GALNT9: variants seen among roughly 807,000 people sequenced by gnomAD.
The protein encoded by GALNT9 is polypeptide N-acetylgalactosaminyltransferase 9.
Under a neutral mutation model 63.1 loss-of-function variants are expected in GALNT9, and 47 were observed. That is an observed-to-expected ratio of 0.75 (90% CI 0.59 to 0.95). The LOEUF (loss-of-function observed/expected upper bound fraction) is 0.95, where lower values mean the gene tolerates loss of function less well. GALNT9 is among the 40% of genes least tolerant of loss of function. GALNT9 has a pLI of 0.00. For missense variants in GALNT9, 829 were observed against 874.8 expected (o/e 0.95, Z 0.66); for synonymous variants, 396 against 365.7 (o/e 1.08, Z -0.94).
At chr12:132,258,343 C>T (rs557505219) in intron 4 of GALNT9, among the ~76,000 whole-genome samples, 1 of 152,332 alleles carries the variant, frequency 6.6e-6, no homozygotes, top group South Asian at 2.1e-4. Flanking sequence ...GCCCTGTTCC[C>T]ACAAATTGGA....
chr12:132,293,346 G>A (rs1285045808), intron 1 of GALNT9, among the ~76,000 whole-genome samples: 1 of 152,260 alleles, frequency 6.6e-6, no homozygotes, highest in Non-Finnish European at 1.5e-5. Flanking sequence ...GCTCCGGGGA[G>A]CCTCTGGCCA....
At chr12:132,257,411 G>T (rs145816931) in intron 5 of GALNT9, among the ~76,000 whole-genome samples, 71 of 151,890 alleles carry the variant, frequency 4.7e-4, no homozygotes, top group Non-Finnish European at 8.2e-4. Flanking sequence ...ACCAGGTTGT[G>T]CTTGCTGGGG....
At chr12:132,272,065 C>T (rs1879887366) in intron 2 of GALNT9, among the ~76,000 whole-genome samples, 1 of 152,168 alleles carries the variant, frequency 6.6e-6, no homozygotes, top group Non-Finnish European at 1.5e-5. Context: ...GAGGAGAATG[C>T]CGTCACGCCC....
At chr12:132,255,859 C>T (rs1445947331) in intron 5 of GALNT9, among the ~76,000 whole-genome samples, 4 of 152,132 alleles carry the variant, frequency 2.6e-5, no homozygotes, top group Non-Finnish European at 2.9e-5. Flanking sequence ...CCTTTGCGAT[C>T]TTCACGCTGG....
chr12:132,222,864 G>A (rs1160616492), intron 6 of GALNT9, among the ~76,000 whole-genome samples: 1,300 of 89,770 alleles, frequency 0.014, 28 homozygotes, highest in African/African-American at 0.048. Flanking sequence ...ACACAGACAC[G>A]CCACACAACA....
chr12:132,270,510 G>A (rs1251628526), intron 2 of GALNT9, among the ~76,000 whole-genome samples: 3 of 152,242 alleles, frequency 2.0e-5, no homozygotes, highest in Non-Finnish European at 2.9e-5. Flanking sequence ...GGCTTCACGC[G>A]TTAGCTCTTG....
intron 1 of GALNT9, among the ~76,000 whole-genome samples, chr12:132,321,255 GAGGCCCCTGTGGGTCCAGAATCA>G (rs1868783061): frequency 8.4e-6 from 1 of 118,752 alleles, no homozygotes; most frequent in Non-Finnish European, 1.8e-5. Flanking sequence ...GTCCGGAGTC[GAGGCCCCTGTGGGTCCAGAATCA>G]AGGCCATGGT....
At chr12:132,263,113 T>TGCTGGGCACAGCCGAGGA (rs1275670239) in intron 2 of GALNT9, among the ~76,000 whole-genome samples, 1 of 152,016 alleles carries the variant, frequency 6.6e-6, no homozygotes, top group African/African-American at 2.4e-5. Context: ...GGGACGGCGC[T>TGCTGGGCACAGCCGAGGA]GCTGGGCACA....
Position 132,199,413 on chromosome 12 carries a change from G to C in GALNT9, c.1402-144C>G, listed in dbSNP as rs940537776. On this transcript the variant is annotated intron_variant, in intron 8 of 10. Coordinates refer to ENST00000328957, the MANE Select transcript of GALNT9 (RefSeq NM_001122636.2). ...GCGTGTGGGATGCTCTGGCCGGGTG[G>C]GCTGCCTGGGAAGGGGTGGCTGACC... The C allele has an allele frequency of 4.6e-5, 29 of 624,136 alleles. No individual in the cohort carries two copies. The East Asian group carries it at 6.4e-4, about 14-fold the overall frequency. The allele number at this position is 624,136 out of a possible 1,614,324, so 38.7% of individuals were successfully genotyped here. A position where few individuals can be genotyped will look rare whatever the true frequency, so the allele number is the denominator to read the frequency against.
intron 1 of GALNT9, among the ~76,000 whole-genome samples, chr12:132,314,426 C>G (rs1430614461): frequency 2.0e-5 from 3 of 152,156 alleles, no homozygotes; most frequent in Non-Finnish European, 2.9e-5. Context: ...CTTGTCTAAT[C>G]TTCTCCATGA....
intron 6 of GALNT9, 183 bp downstream of exon 6, chr12:132,247,727 C>T (rs1555238145): frequency 3.9e-6 from 4 of 1,024,256 alleles, no homozygotes; most frequent in South Asian, 1.6e-5. Context: ...CGGCCTCACT[C>T]GCCCTCACCC....
chr12:132,253,929 G>A (rs545330226), intron 5 of GALNT9, among the ~76,000 whole-genome samples: 8 of 152,242 alleles, frequency 5.3e-5, no homozygotes, highest in South Asian at 2.1e-4. Context: ...AAACATGGCC[G>A]TGTGTCAATA....
intron 1 of GALNT9, among the ~76,000 whole-genome samples, chr12:132,328,133 C>T (rs1869122324): frequency 6.6e-6 from 1 of 152,192 alleles, no homozygotes; most frequent in African/African-American, 2.4e-5. Flanking sequence ...GGCGGCTGCT[C>T]CTCCGGGAAG....
intron 6 of GALNT9, among the ~76,000 whole-genome samples, chr12:132,209,545 A>G (rs1876867788): frequency 6.6e-6 from 1 of 152,068 alleles, no homozygotes; most frequent in Admixed American, 6.6e-5. Context: ...GCAAGACTTC[A>G]TCTCAAACAA....
At chr12:132,299,683 C>T (rs1555243651) in intron 1 of GALNT9, among the ~76,000 whole-genome samples, 1 of 142,454 alleles carries the variant, frequency 7.0e-6, no homozygotes, top group African/African-American at 2.6e-5. Flanking sequence ...CCACACCTAA[C>T]CCATCCCTGA....
At chr12:132,264,263 C>T (rs1246115754) in intron 2 of GALNT9, among the ~76,000 whole-genome samples, 9 of 152,234 alleles carry the variant, frequency 5.9e-5, no homozygotes, top group African/African-American at 1.2e-4. Flanking sequence ...GCCCCCGGGA[C>T]GCTGGCCACG....
chr12:132,320,546 C>G (rs932307365), intron 1 of GALNT9, among the ~76,000 whole-genome samples: 3 of 74,548 alleles, frequency 4.0e-5, no homozygotes, highest in Non-Finnish European at 8.1e-5. Flanking sequence ...TATCGTTTTA[C>G]TAGTAAATAT....
At chr12:132,260,840 G>A (rs934221620) in intron 4 of GALNT9, 108 bp downstream of exon 4, 83 of 1,409,230 alleles carry the variant, frequency 5.9e-5, no homozygotes, top group Non-Finnish European at 7.4e-5. Flanking sequence ...GAGTCTCCCA[G>A]CCCCGGGGCC....
At chr12:132,249,319 C>T (rs1314466946) in intron 5 of GALNT9, among the ~76,000 whole-genome samples, 2 of 152,192 alleles carry the variant, frequency 1.3e-5, no homozygotes, top group East Asian at 1.9e-4. Flanking sequence ...TGCGTATCAA[C>T]GCGTTCTTCC....
Sources: gnomAD v4.1 joint callset for allele counts (sites outside exome capture counted in the v4.1 genomes callset) on GRCh38, gnomAD v4.1.1 for gene constraint, MANE v1.5 for transcripts, NCBI Gene and HGNC (gene_info 2026-07-23, HGNC 2026-07-21) for gene names.